Variants in SMOC1 observed in about 807,000 individuals in gnomAD.
The protein encoded by SMOC1 is SPARC related modular calcium binding 1.
Under a neutral mutation model 56.3 loss-of-function variants are expected in SMOC1, and 22 were observed. That is an observed-to-expected ratio of 0.39 (90% CI 0.28 to 0.56). The LOEUF (loss-of-function observed/expected upper bound fraction) is 0.56. SMOC1 is among the 20% of genes least tolerant of loss of function. SMOC1 has a pLI of 0.61. For missense variants in SMOC1, 509 were observed against 565.4 expected, an observed-to-expected ratio of 0.90 and a Z score of 1.01; for synonymous variants, 193 against 215.0, an observed-to-expected ratio of 0.90 and a Z score of 0.89.
chr14:69,949,613 A>AGACC (rs1438272758), intron 1 of SMOC1, among the ~76,000 whole-genome samples: 1 of 152,220 alleles, frequency 6.6e-6, no homozygotes, highest in Non-Finnish European at 1.5e-5. Context: ...CTCCTGGAAG[A>AGACC]GACCGCCTGA....
chr14:69,996,206 G>GATCATCATC (rs1884759028), intron 7 of SMOC1, among the ~76,000 whole-genome samples: 1 of 152,160 alleles, frequency 6.6e-6, no homozygotes, highest in Admixed American at 6.5e-5. Context: ...GAGGAGAAAA[G>GATCATCATC]ATCATCATCA....
chr14:69,970,808 C>T (rs1883736156), intron 3 of SMOC1, among the ~76,000 whole-genome samples: 1 of 152,212 alleles, frequency 6.6e-6, no homozygotes, highest in African/African-American at 2.4e-5. Context: ...CTGCCACATC[C>T]TTCCAGGTGT....
At chr14:70,012,528 C>T (rs776755546) in intron 9 of SMOC1, among the ~76,000 whole-genome samples, 11 of 152,208 alleles carry the variant, frequency 7.2e-5, no homozygotes, top group African/African-American at 1.2e-4. Flanking sequence ...TTAGATTCCA[C>T]AGCTTCTCTG....
intron 9 of SMOC1, among the ~76,000 whole-genome samples, chr14:70,012,407 G>A (rs139001081): frequency 3.0e-4 from 45 of 152,348 alleles, no homozygotes; most frequent in Non-Finnish European, 5.3e-4. Flanking sequence ...TTACAGAGTG[G>A]AGGAGACAGA....
At chr14:69,903,984 GC>G (rs1884340053) in intron 1 of SMOC1, among the ~76,000 whole-genome samples, 1 of 151,958 alleles carries the variant, frequency 6.6e-6, no homozygotes, top group Admixed American at 6.6e-5. Context: ...TCCCCTAGCT[GC>G]CCCACATGTC....
In SMOC1 at chr14:69,889,492, A is replaced by T. The variant is rs540920037; in HGVS notation, c.99+9715A>T. Among the ~76,000 whole-genome samples the T allele has an allele frequency of 4.6e-5, 7 of 152,252 alleles. No homozygotes were observed. In the East Asian group the frequency reaches 1.3e-3, roughly 29 times the overall value. Reference sequence around the variant, plus strand: ...TCAGAGGCAGACAGACTTAAGTGTGAGTCTGGCTCTGCTGTTGGGCACCCG... The same window carrying T: ...TCAGAGGCAGACAGACTTAAGTGTGTGTCTGGCTCTGCTGTTGGGCACCCG... On this transcript the variant is annotated intron_variant, in intron 1 of 11. Transcript: ENST00000361956.
chr14:69,904,785 G>A (rs888780573), intron 1 of SMOC1, among the ~76,000 whole-genome samples: 2 of 152,192 alleles, frequency 1.3e-5, no homozygotes, highest in African/African-American at 4.8e-5. Flanking sequence ...GAAATGGGAG[G>A]TAATCATACT....
In SMOC1 at chr14:69,974,255, C is replaced by T. The variant is rs149090684; in HGVS notation, c.379-1460C>T. Among the ~76,000 whole-genome samples the T allele has an allele frequency of 3.4e-3, 515 of 152,046 alleles. 3 individuals are homozygous for T. The highest frequency in any genetic ancestry group is 0.012 in the African/African-American group (501 of 41,466). On this transcript the variant is annotated intron_variant, in intron 3 of 11. Coordinates refer to ENST00000361956, the MANE Select transcript of SMOC1 (RefSeq NM_001034852.3). The stretch of plus-strand genomic sequence containing the variant: ...ATAAGGGCTGTGATTTTGGGGGCCC[C>T]AGGGTGTGTGGGAGGATCAGAGGAA...
At chr14:69,948,799 G>T (rs536076103) in intron 1 of SMOC1, among the ~76,000 whole-genome samples, 2 of 152,258 alleles carry the variant, frequency 1.3e-5, no homozygotes, top group Admixed American at 1.3e-4. Context: ...ACCCTATGAG[G>T]CAAGGCTTGT....
intron 7 of SMOC1, among the ~76,000 whole-genome samples, chr14:70,006,921 T>C (rs1210409065): frequency 6.6e-6 from 1 of 152,188 alleles, no homozygotes; most frequent in Non-Finnish European, 1.5e-5. Flanking sequence ...GGCCTCGGCC[T>C]GACACAAAAC....
intron 1 of SMOC1, among the ~76,000 whole-genome samples, chr14:69,895,069 G>A (rs184923471): frequency 2.2e-4 from 34 of 152,338 alleles, no homozygotes; most frequent in Non-Finnish European, 3.7e-4. Context: ...ACTTGGAAAA[G>A]TGGCACAATT....
chr14:69,885,274 T>C lies in SMOC1; in HGVS notation c.99+5497T>C. On this transcript the variant is annotated intron_variant, in intron 1 of 11. Transcript: ENST00000361956. Reference sequence around the variant, plus strand: ...TCTCCTTCGAACAACTTCTTTTTTTTTTTTTTTAAGGAAAATTTGTATTAT... The same window carrying C: ...TCTCCTTCGAACAACTTCTTTTTTTCTTTTTTTAAGGAAAATTTGTATTAT... The C allele has an allele frequency of 3.1e-6, 3 of 975,212 alleles. No individual in the cohort carries two copies. In the East Asian group the frequency reaches 7.9e-5, roughly 26 times the overall value. The allele number at this position is 975,212 out of a possible 1,614,324, so 60.4% of individuals were successfully genotyped here.
intron 5 of SMOC1, 146 bp downstream of exon 5, chr14:69,978,111 C>G: frequency 1.4e-6 from 1 of 740,574 alleles, no homozygotes; most frequent in Non-Finnish European, 2.4e-6. Flanking sequence ...TGTTTCCTCT[C>G]TGAAGCACCC....
At position 70,030,276 on chromosome 14, in the gene SMOC1, G is replaced by T; in HGVS notation, c.*18G>T. On this transcript the variant is annotated 3_prime_UTR_variant, in exon 12 of 12. Transcript: ENST00000361956. ...TCGTCTAAGGAGCAGAAAACCCAAG[G>T]GCAGGTGGAGAGTCCAGGGAGGCAG... The T allele has an allele frequency of 6.2e-7, 1 of 1,613,074 alleles. No homozygotes were observed. The highest frequency in any genetic ancestry group is 8.5e-7 in the Non-Finnish European group (1 of 1,179,910).
chr14:69,925,759 A>G (rs1884992457), intron 1 of SMOC1, among the ~76,000 whole-genome samples: 1 of 152,164 alleles, frequency 6.6e-6, no homozygotes, highest in Non-Finnish European at 1.5e-5. Context: ...TGGAACCTGG[A>G]GGGGTTCACT....
chr14:70,010,797 A>G lies in SMOC1; in HGVS notation c.708A>G (p.Glu236=). Residue 236 remains glutamate, a synonymous_variant, in exon 8 of 12, where the codon GAA becomes GAG. Transcript: ENST00000361956. ...SCDQERQSAL[E]EAQQNPREGI... is the part of the protein sequence containing the mutation. ...ACCAGGAGAGGCAGAGTGCCCTGGA[A>G]GAGGCCCAGCAGAATCCCCGTGAGG... 6.2e-7 allele frequency: 1 copy of G among 1,614,242 alleles called. No individual in the cohort carries two copies. The highest frequency in any genetic ancestry group is 2.2e-5 in the East Asian group (1 of 44,888).
chr14:69,883,930 C>T (rs372215265), intron 1 of SMOC1, among the ~76,000 whole-genome samples: 6 of 106,434 alleles, frequency 5.6e-5, no homozygotes, highest in African/African-American at 7.5e-5. Flanking sequence ...GACGGAGTCT[C>T]GCTCTGTCGC....
chr14:69,988,587 C>T (rs1256872526), intron 5 of SMOC1, among the ~76,000 whole-genome samples: 2 of 152,164 alleles, frequency 1.3e-5, no homozygotes, highest in Non-Finnish European at 2.9e-5. Flanking sequence ...CCGTAAAATT[C>T]ACTCATTGTA....
intron 1 of SMOC1, among the ~76,000 whole-genome samples, chr14:69,946,329 A>G (rs1547088): frequency 0.35 from 53,205 of 152,080 alleles, 9,549 homozygotes; most frequent in Admixed American, 0.44. Flanking sequence ...TTGTTTATGT[A>G]TATATCAAGT....
Sources: gnomAD v4.1 joint callset for allele counts (sites outside exome capture counted in the v4.1 genomes callset) on GRCh38, gnomAD v4.1.1 for gene constraint, MANE v1.5 for transcripts, NCBI Gene and HGNC (gene_info 2026-07-23, HGNC 2026-07-21) for gene names.